Variants in CFAP299 observed in about 807,000 individuals in gnomAD.
The protein encoded by CFAP299 is cilia and flagella associated protein 299.
A neutral mutation model predicts 27.0 loss-of-function variants in CFAP299; 21 were observed. The observed-to-expected ratio is 0.78, with a 90% CI of 0.55 to 1.12. CFAP299 has a LOEUF of 1.12. CFAP299 is among the 50% of genes most tolerant of loss of function. CFAP299 has a pLI of 0.00. For synonymous variants in CFAP299, 104 were observed against 98.1 expected (o/e 1.06, Z -0.36); for missense variants, 310 against 276.6 (o/e 1.12, Z -0.86).
intron 2 of CFAP299, among the ~76,000 whole-genome samples, chr4:80,459,440 A>T (rs1224253861): frequency 6.6e-6 from 1 of 152,210 alleles, no homozygotes. Context: ...CAAACAGTGC[A>T]CTTGATGTCT....
At chr4:80,422,167 C>T (rs141027992) in intron 2 of CFAP299, among the ~76,000 whole-genome samples, 1 of 152,142 alleles carries the variant, frequency 6.6e-6, no homozygotes, top group Non-Finnish European at 1.5e-5. Context: ...ACATGATGCT[C>T]TCATTCCACT....
chr4:80,522,958 C>G (rs1458527495), intron 2 of CFAP299, among the ~76,000 whole-genome samples: 1 of 152,000 alleles, frequency 6.6e-6, no homozygotes, highest in South Asian at 2.1e-4. Context: ...TCTTCTTTCT[C>G]AAGGTTGTTT....
At chr4:80,675,540 G>T (rs1315194230) in intron 3 of CFAP299, among the ~76,000 whole-genome samples, 6 of 152,222 alleles carry the variant, frequency 3.9e-5, no homozygotes, top group Non-Finnish European at 8.8e-5. Flanking sequence ...GAGCTCAAAT[G>T]CTGTGGTGGG....
At chr4:80,471,825 G>T (rs538256209) in intron 2 of CFAP299, among the ~76,000 whole-genome samples, 2 of 152,150 alleles carry the variant, frequency 1.3e-5, no homozygotes, top group African/African-American at 2.4e-5. Flanking sequence ...GTAACTGCGA[G>T]ATGGGAGAGC....
At chr4:80,440,499 A>G (rs1477019620) in intron 2 of CFAP299, among the ~76,000 whole-genome samples, 2 of 152,328 alleles carry the variant, frequency 1.3e-5, no homozygotes, top group East Asian at 1.9e-4. Context: ...ACAGAAATCA[A>G]TAACATCAAC....
intron 4 of CFAP299, among the ~76,000 whole-genome samples, chr4:80,939,236 C>G (rs1033449246): frequency 6.6e-6 from 1 of 152,128 alleles, no homozygotes; most frequent in African/African-American, 2.4e-5. Flanking sequence ...AAAGTTTTGT[C>G]TCATTATTTC....
At chr4:80,842,706 A>G (rs1228291103) in intron 3 of CFAP299, among the ~76,000 whole-genome samples, 1 of 152,122 alleles carries the variant, frequency 6.6e-6, no homozygotes, top group Admixed American at 6.6e-5. Context: ...TACCTTTGGC[A>G]CCTAAGTAAC....
chr4:80,594,465 T>C (rs528232331), intron 3 of CFAP299, among the ~76,000 whole-genome samples: 1 of 152,290 alleles, frequency 6.6e-6, no homozygotes, highest in African/African-American at 2.4e-5. Flanking sequence ...AGCCAAACCA[T>C]ATCACTAGGA....
At chr4:80,893,760 C>T (rs1013252097) in intron 4 of CFAP299, among the ~76,000 whole-genome samples, 3 of 151,392 alleles carry the variant, frequency 2.0e-5, no homozygotes, top group Admixed American at 6.6e-5. Flanking sequence ...AATGTAGAAC[C>T]GCTAGGAGAT....
At chr4:80,810,845 A>G (rs928877459) in intron 3 of CFAP299, among the ~76,000 whole-genome samples, 1 of 152,096 alleles carries the variant, frequency 6.6e-6, no homozygotes, top group African/African-American at 2.4e-5. Flanking sequence ...GATCCAACAT[A>G]TATGGTGAAC....
At chr4:80,744,441 A>G (rs1299906931) in intron 3 of CFAP299, among the ~76,000 whole-genome samples, 1 of 152,134 alleles carries the variant, frequency 6.6e-6, no homozygotes, top group African/African-American at 2.4e-5. Context: ...TGGAAAATAA[A>G]TGGATAGACA....
intron 3 of CFAP299, among the ~76,000 whole-genome samples, chr4:80,722,859 C>T (rs1722918370): frequency 6.6e-6 from 1 of 152,078 alleles, no homozygotes; most frequent in Admixed American, 6.5e-5. Flanking sequence ...CGAGATCATG[C>T]CACTGCACTC....
At chr4:80,876,416 C>T (rs926977621) in intron 4 of CFAP299, among the ~76,000 whole-genome samples, 1 of 152,116 alleles carries the variant, frequency 6.6e-6, no homozygotes, top group African/African-American at 2.4e-5. Context: ...CCTGCTGGCA[C>T]TCATTCTCTC....
intron 3 of CFAP299, among the ~76,000 whole-genome samples, chr4:80,613,364 T>C (rs901846168): frequency 6.6e-6 from 1 of 152,138 alleles, no homozygotes; most frequent in African/African-American, 2.4e-5. Flanking sequence ...AATTAATACA[T>C]TATTTTACTG....
At chr4:80,753,547 A>C (rs1355133792) in intron 3 of CFAP299, among the ~76,000 whole-genome samples, 1 of 152,076 alleles carries the variant, frequency 6.6e-6, no homozygotes, top group African/African-American at 2.4e-5. Flanking sequence ...ATTTTGGAAA[A>C]TTCTCAGCCA....
chr4:80,508,258 G>A (rs2110160205), intron 2 of CFAP299, among the ~76,000 whole-genome samples: 1 of 152,282 alleles, frequency 6.6e-6, no homozygotes, highest in African/African-American at 2.4e-5. Context: ...ATGGAGAGGG[G>A]TTGTGAAATG....
At chr4:80,536,158 A>G (rs1421300146) in intron 2 of CFAP299, among the ~76,000 whole-genome samples, 1 of 152,202 alleles carries the variant, frequency 6.6e-6, no homozygotes, top group Non-Finnish European at 1.5e-5. Flanking sequence ...ATTTCACCTC[A>G]GTGAAGGAAT....
intron 3 of CFAP299, among the ~76,000 whole-genome samples, chr4:80,866,609 T>C (rs944141813): frequency 1.3e-5 from 2 of 152,176 alleles, no homozygotes; most frequent in African/African-American, 4.8e-5. Context: ...CTAATGAATC[T>C]AAGTGAGACA....
intron 3 of CFAP299, among the ~76,000 whole-genome samples, chr4:80,799,707 A>G (rs866061209): frequency 0.012 from 648 of 53,640 alleles, 39 homozygotes; most frequent in Non-Finnish European, 0.016. Context: ...TAAAATATAT[A>G]TTTTATATAT....
Sources: gnomAD v4.1 joint callset for allele counts (sites outside exome capture counted in the v4.1 genomes callset) on GRCh38, gnomAD v4.1.1 for gene constraint, MANE v1.5 for transcripts, NCBI Gene and HGNC (gene_info 2026-07-23, HGNC 2026-07-21) for gene names.